The following SEPTIN14 variants were observed in gnomAD, a reference collection of about 807,000 sequenced individuals.
SEPTIN14 encodes the protein septin 14.
In SEPTIN14, 40 loss-of-function variants were observed where a neutral mutation model predicts 53.6. The ratio of observed to expected loss-of-function variants is 0.75; its 90% CI spans 0.58 to 0.97. SEPTIN14 has a LOEUF of 0.97. Ranked by LOEUF, SEPTIN14 falls within the 50% of genes least tolerant of loss-of-function variation. The pLI, the probability that SEPTIN14 is intolerant of heterozygous loss-of-function variation, is 0.00. For missense variants in SEPTIN14, 471 were observed against 508.2 expected, an observed-to-expected ratio of 0.93 and a Z score of 0.70; for synonymous variants, 138 against 166.8, an observed-to-expected ratio of 0.83 and a Z score of 1.33.
At chr7:55,811,181 G>A in intron 7 of SEPTIN14, 2 of 511,182 alleles carry the variant, frequency 3.9e-6, no homozygotes, top group South Asian at 3.2e-5. Context: ...CTCCAAGGGA[G>A]AAGTAGTTGA....
intron 6 of SEPTIN14, among the ~76,000 whole-genome samples, chr7:55,831,877 C>G (rs1396968575): frequency 1.3e-5 from 2 of 152,144 alleles, no homozygotes; most frequent in Non-Finnish European, 1.5e-5. Context: ...AATTGCTCAA[C>G]ATCACCAATC....
intron 6 of SEPTIN14, among the ~76,000 whole-genome samples, chr7:55,828,337 C>T (rs1370139993): frequency 7.2e-6 from 1 of 139,824 alleles, no homozygotes; most frequent in Non-Finnish European, 1.5e-5. Context: ...CAGAGTCTTG[C>T]TCTGTCGCCC....
At chr7:55,813,654 T>C (rs1562708416) in intron 7 of SEPTIN14, among the ~76,000 whole-genome samples, 1 of 151,624 alleles carries the variant, frequency 6.6e-6, no homozygotes, top group Non-Finnish European at 1.5e-5. Flanking sequence ...CTTCCACTTG[T>C]GGGAAAGAAA....
chr7:55,851,860 A>G (rs1023181697), intron 2 of SEPTIN14, among the ~76,000 whole-genome samples: 1 of 151,728 alleles, frequency 6.6e-6, no homozygotes, highest in Non-Finnish European at 1.5e-5. Flanking sequence ...TACAAAAAAG[A>G]GGCTGGGCGC....
At chr7:55,834,341 T>C (rs1789164820) in intron 6 of SEPTIN14, 84 bp downstream of exon 6, 2 of 1,012,468 alleles carry the variant, frequency 2.0e-6, no homozygotes, top group Admixed American at 3.2e-5. Context: ...CTTTACAAAA[T>C]TAAAAAAATT....
At chr7:55,818,245 G>A (rs942745730) in intron 7 of SEPTIN14, among the ~76,000 whole-genome samples, 23 of 152,178 alleles carry the variant, frequency 1.5e-4, no homozygotes, top group African/African-American at 5.3e-4. Flanking sequence ...GCCGAGGCAG[G>A]TGGATCACCG....
chr7:55,862,459 G>A (rs565847456), intron 1 of SEPTIN14, among the ~76,000 whole-genome samples: 2 of 152,062 alleles, frequency 1.3e-5, no homozygotes, highest in Admixed American at 6.6e-5. Context: ...CCCATTGAAA[G>A]AGAATTGTGA....
chr7:55,840,137 A>C (rs1263203176), intron 5 of SEPTIN14, among the ~76,000 whole-genome samples: 6 of 148,800 alleles, frequency 4.0e-5, no homozygotes, highest in Non-Finnish European at 7.4e-5. Context: ...AAAAAAAAAA[A>C]AAAAGTGAGA....
At chr7:55,800,623 CA>C (rs57111413) in intron 9 of SEPTIN14, among the ~76,000 whole-genome samples, 169 of 111,324 alleles carry the variant, frequency 1.5e-3, no homozygotes, top group Middle Eastern at 5.4e-3. Flanking sequence ...GACTTTGTCT[CA>C]AAAAAAAAAA....
intron 6 of SEPTIN14, among the ~76,000 whole-genome samples, chr7:55,825,709 G>C (rs1207636125): frequency 6.6e-6 from 1 of 152,112 alleles, no homozygotes; most frequent in Non-Finnish European, 1.5e-5. Flanking sequence ...ACTCACACCT[G>C]TAATCCCAGC....
chr7:55,818,090 CAT>C (rs1788826619), intron 7 of SEPTIN14, among the ~76,000 whole-genome samples: 1 of 152,068 alleles, frequency 6.6e-6, no homozygotes, highest in African/African-American at 2.4e-5. Context: ...CATATACTAA[CAT>C]GTAATACAAC....
chr7:55,833,066 G>A (rs1357932105), intron 6 of SEPTIN14, among the ~76,000 whole-genome samples: 1 of 152,024 alleles, frequency 6.6e-6, no homozygotes, highest in African/African-American at 2.4e-5. Context: ...TGTAATCCCA[G>A]CACTTTGTGA....
At chr7:55,857,556 G>A (rs1412173508) in intron 2 of SEPTIN14, among the ~76,000 whole-genome samples, 1 of 120,004 alleles carries the variant, frequency 8.3e-6, no homozygotes, top group Non-Finnish European at 1.7e-5. Flanking sequence ...GGAGGGGAGG[G>A]GAGGGGAGGG....
chr7:55,841,639 C>T (rs1246429616), intron 5 of SEPTIN14, among the ~76,000 whole-genome samples: 2 of 152,036 alleles, frequency 1.3e-5, no homozygotes, highest in South Asian at 2.1e-4. Context: ...GTGGATCACC[C>T]GAGGTCGGGA....
Position 55,830,349 on chromosome 7 carries a change from A to ATATT in SEPTIN14, c.720+4075_720+4076insAATA, listed in dbSNP as rs71015108. On this transcript the variant is annotated intron_variant, in intron 6 of 9. Coordinates refer to ENST00000388975, the MANE Select transcript of SEPTIN14 (RefSeq NM_207366.3). ...TATATATATATATATATATATATAT[A>ATATT]TTTTTTTTTTTTTTTGAGACGGAGT... Among the ~76,000 whole-genome samples the ATATT allele has an allele frequency of 2.4e-3, 137 of 56,794 alleles. 3 individuals are homozygous for ATATT. Among genetic ancestry groups the ATATT allele is most frequent in the East Asian group, 0.02 (32 of 1,628 alleles). The allele number at this position is 56,794 out of a possible 152,430, so 37.3% of individuals were successfully genotyped here. A position where few individuals can be genotyped will look rare whatever the true frequency, so the allele number is the denominator to read the frequency against.
At chr7:55,832,744 A>C (rs185416167) in intron 6 of SEPTIN14, among the ~76,000 whole-genome samples, 2 of 152,272 alleles carry the variant, frequency 1.3e-5, no homozygotes, top group African/African-American at 4.8e-5. Flanking sequence ...AGACTCCAAA[A>C]GGGAGAGACT....
chr7:55,796,804 G>A (rs1338789738), intron 9 of SEPTIN14, among the ~76,000 whole-genome samples: 2 of 152,016 alleles, frequency 1.3e-5, no homozygotes, highest in African/African-American at 4.8e-5. Flanking sequence ...ATTATCCAGT[G>A]AGAGGACAAA....
chr7:55,851,687 C>G (rs1319840700), intron 2 of SEPTIN14, among the ~76,000 whole-genome samples: 1 of 152,102 alleles, frequency 6.6e-6, no homozygotes, highest in Non-Finnish European at 1.5e-5. Flanking sequence ...CAATCCCTAT[C>G]AAAATACCAA....
chr7:55,858,800 A>C (rs1241082363), intron 2 of SEPTIN14, among the ~76,000 whole-genome samples: 1 of 151,860 alleles, frequency 6.6e-6, no homozygotes, highest in African/African-American at 2.4e-5. Flanking sequence ...GTGAAACTCT[A>C]TCCCCCGCCA....
Sources: gnomAD v4.1 joint callset for allele counts (sites outside exome capture counted in the v4.1 genomes callset) on GRCh38, gnomAD v4.1.1 for gene constraint, MANE v1.5 for transcripts, NCBI Gene and HGNC (gene_info 2026-07-23, HGNC 2026-07-21) for gene names.